DMRT1: variants seen among roughly 807,000 people sequenced by gnomAD.
The protein encoded by DMRT1 is doublesex- and mab-3-related transcription factor 1.
Under a neutral mutation model 32.3 loss-of-function variants are expected in DMRT1, and 7 were observed. The observed-to-expected ratio is 0.22, with a 90% CI of 0.12 to 0.41. DMRT1 has a LOEUF of 0.41. DMRT1 is among the 10% of genes least tolerant of loss of function. The pLI is 1.00. For synonymous variants in DMRT1, 278 were observed against 206.1 expected (o/e 1.35, Z -2.99); for missense variants, 625 against 500.5 (o/e 1.25, Z -2.37).
At position 841,734 on chromosome 9, in the gene DMRT1, C is replaced by A; in HGVS notation, c.-105C>A. 1 of 1,545,814 alleles carries A rather than the reference C, an allele frequency of 6.5e-7. No homozygotes were observed. The highest frequency in any genetic ancestry group is 8.7e-7 in the Non-Finnish European group (1 of 1,146,578). On this transcript the variant is annotated 5_prime_UTR_variant, in exon 1 of 5. It adds an upstream start codon to the 5' untranslated region. Transcript: ENST00000382276. ...CCTCCGGCTGCAGCGCACACGTCTC[C>A]TGCGCCTCCTCCTCCGGAGCGTCGC...
At chr9:934,213 T>C (rs773462352) in intron 4 of DMRT1, among the ~76,000 whole-genome samples, 2 of 152,212 alleles carry the variant, frequency 1.3e-5, no homozygotes, top group African/African-American at 2.4e-5. Flanking sequence ...CCTTATCAGA[T>C]AGAAGATGTG....
In DMRT1 at chr9:968,457, G is replaced by T. The variant is rs1175797046; in HGVS notation, c.*318G>T. 7.1e-6 allele frequency: 2 copies of T among 282,044 alleles called. No individual in the cohort carries two copies. The highest frequency in any genetic ancestry group is 1.4e-5 in the Non-Finnish European group (2 of 146,968). The allele number at this position is 282,044 out of a possible 1,614,324, so 17.5% of individuals were successfully genotyped here. On this transcript the variant is annotated 3_prime_UTR_variant, in exon 5 of 5. Transcript: ENST00000382276. ...TGAAGCCATTTGTGTGCCTCTAAAT[G>T]AGTCATCTAATTAGATGTTACTTTT... is the stretch of plus-strand genomic sequence containing the variant.
chr9:965,104 G>GTC lies in DMRT1; in HGVS notation c.968-2881_968-2880insTC, dbSNP rs1453210254. Among the ~76,000 whole-genome samples, 2 of 152,156 alleles carry GTC rather than the reference G, an allele frequency of 1.3e-5. No homozygotes were observed. Among genetic ancestry groups the GTC allele is most frequent in the Non-Finnish European group, 2.9e-5 (2 of 68,038 alleles). On this transcript the variant is annotated intron_variant, in intron 4 of 4. Transcript: ENST00000382276. This position sits in a 1 kb window ranked among gnomAD's most constrained non-coding sequence, Gnocchi z 4.5. Reference sequence around the variant, plus strand: ...AAGGAAGCTGCATTAAAATGGAAAAGGTACCTCTGAGGGACGATCTTTAAG... The same window carrying GTC: ...AAGGAAGCTGCATTAAAATGGAAAAGTCGTACCTCTGAGGGACGATCTTTAAG...
intron 4 of DMRT1, among the ~76,000 whole-genome samples, chr9:963,410 G>C (rs1377009755): frequency 1.0e-5 from 1 of 100,382 alleles, no homozygotes; most frequent in Non-Finnish European, 2.2e-5. Flanking sequence ...TTGTTTCAAC[G>C]ATCATTACTT....
At chr9:943,287 T>C (rs1819136463) in intron 4 of DMRT1, among the ~76,000 whole-genome samples, 1 of 152,216 alleles carries the variant, frequency 6.6e-6, no homozygotes, top group Non-Finnish European at 1.5e-5. Context: ...TATCTCTCAA[T>C]GAGGTGTTGA....
At chr9:884,801 C>G (rs1816862665) in intron 2 of DMRT1, among the ~76,000 whole-genome samples, 2 of 152,080 alleles carry the variant, frequency 1.3e-5, no homozygotes, top group African/African-American at 2.4e-5. Flanking sequence ...GAAACCCCGT[C>G]TCTACTAAAA....
In DMRT1 at chr9:902,325, A is replaced by C. The variant is rs184765666; in HGVS notation, c.822+8130A>C. 9.2e-3 allele frequency among the ~76,000 whole-genome samples: 1,379 copies of C among 149,330 alleles called. 30 individuals are homozygous for C. The highest frequency in any genetic ancestry group is 0.032 in the African/African-American group (1,290 of 40,814). Reference sequence around the variant, plus strand: ...CCGTTGTCTCTCGCCTCCTTCCTACACCCCCTCCTCCTCCACCTTTCTTTT... The same window carrying C: ...CCGTTGTCTCTCGCCTCCTTCCTACCCCCCCTCCTCCTCCACCTTTCTTTT... On this transcript the variant is annotated intron_variant, in intron 3 of 4. Coordinates refer to ENST00000382276, the MANE Select transcript of DMRT1 (RefSeq NM_021951.3).
intron 2 of DMRT1, among the ~76,000 whole-genome samples, chr9:874,359 G>A (rs1156855128): frequency 6.6e-6 from 1 of 152,088 alleles, no homozygotes; most frequent in African/African-American, 2.4e-5. Flanking sequence ...GATATAGATT[G>A]GGTCCCTTTT....
intron 3 of DMRT1, among the ~76,000 whole-genome samples, chr9:909,644 G>C (rs1201319549): frequency 6.6e-6 from 1 of 152,122 alleles, no homozygotes; most frequent in East Asian, 1.9e-4. Context: ...GAAAACCAAA[G>C]GTTTACCCCA....
intron 2 of DMRT1, among the ~76,000 whole-genome samples, chr9:884,901 T>A (rs1816866991): frequency 6.6e-6 from 1 of 151,976 alleles, no homozygotes; most frequent in South Asian, 2.1e-4. Context: ...ACCCAAGAAG[T>A]GGAGGTTGCA....
At chr9:871,359 G>A (rs539886781) in intron 2 of DMRT1, among the ~76,000 whole-genome samples, 17 of 148,250 alleles carry the variant, frequency 1.1e-4, no homozygotes, top group Non-Finnish European at 2.2e-4. Context: ...TTGAGACTGA[G>A]TCTTGCCCTG....
intron 4 of DMRT1, among the ~76,000 whole-genome samples, chr9:953,275 T>C (rs896531007): frequency 2.6e-5 from 4 of 151,946 alleles, no homozygotes; most frequent in African/African-American, 7.3e-5. Flanking sequence ...TCCTTTATTA[T>C]GGAGAAAAAA....
At chr9:885,435 C>T (rs1218988355) in intron 2 of DMRT1, among the ~76,000 whole-genome samples, 7 of 152,126 alleles carry the variant, frequency 4.6e-5, no homozygotes, top group Non-Finnish European at 1.0e-4. Flanking sequence ...AGATGGTTTT[C>T]CCCTGGAGTC....
rs972891941 is a variant in DMRT1, at chr9:850,681, C to A, written c.538+3538C>A. ...GTTGTTCCTACTTGTGTCTAATTAG[C>A]TTTTTTCATTTACTACAGCTGAGAA... On this transcript the variant is annotated intron_variant, in intron 2 of 4. Transcript: ENST00000382276. Among the ~76,000 whole-genome samples, 3 of 152,072 alleles carry A rather than the reference C, an allele frequency of 2.0e-5. No individual in the cohort carries two copies. In the East Asian group the frequency reaches 5.8e-4, roughly 29 times the overall value.
At chr9:851,505 T>A (rs554949876) in intron 2 of DMRT1, among the ~76,000 whole-genome samples, 1 of 152,198 alleles carries the variant, frequency 6.6e-6, no homozygotes, top group Non-Finnish European at 1.5e-5. Context: ...CCCAAAGTGC[T>A]GGGATTACAG....
rs1819971772 is a variant in DMRT1 at position 967,642 on chromosome 9, A to G, written c.968-343A>G. Among the ~76,000 whole-genome samples the G allele has an allele frequency of 3.3e-5, 5 of 152,302 alleles. No homozygotes were observed. The South Asian group carries it at 1.0e-3, about 32-fold the overall frequency. ...ATCACTTGACAAGTTTCATCAGCATACTTTGCATAAAGGGGAGGAGTCCGG... is the reference window on the plus strand; with the variant it reads ...ATCACTTGACAAGTTTCATCAGCATGCTTTGCATAAAGGGGAGGAGTCCGG... On this transcript the variant is annotated intron_variant, in intron 4 of 4. Transcript: ENST00000382276.
chr9:841,745 C>T lies in DMRT1; in HGVS notation c.-94C>T, dbSNP rs921472409. The T allele has an allele frequency of 5.8e-6, 9 of 1,547,620 alleles. No individual in the cohort carries two copies. Among genetic ancestry groups the T allele is most frequent in the Middle Eastern group, 4.5e-4 (2 of 4,446 alleles). ...AGCGCACACGTCTCCTGCGCCTCCT[C>T]CTCCGGAGCGTCGCTGTCCGTCGGG... On this transcript the variant is annotated 5_prime_UTR_variant, in exon 1 of 5. Coordinates refer to ENST00000382276, the MANE Select transcript of DMRT1 (RefSeq NM_021951.3).
At position 916,822 on chromosome 9, in the gene DMRT1, C is replaced by T. The variant is rs778405951; in HGVS notation, c.882C>T (p.Tyr294=). 3.1e-6 allele frequency: 5 copies of T among 1,614,214 alleles called. No individual in the cohort carries two copies. In the South Asian group the frequency reaches 4.4e-5, roughly 14 times the overall value. ...CCCAGTACAGGATGCATTCTTACTA[C>T]CCGCCTCCCTCTTACCTGGGCCAGA... ...MSSQYRMHSY[Y]PPPSYLGQSV... Residue 294 remains tyrosine (Y), a synonymous_variant, in exon 4 of 5, where the codon TAC becomes TAT. Transcript: ENST00000382276.
rs561672417 is a variant in DMRT1, at chr9:943,715, G to T, written c.968-24270G>T. On this transcript the variant is annotated intron_variant, in intron 4 of 4. Transcript: ENST00000382276. ...GTCAGGGAGGAGTGTTGGAAATAAC[G>T]TGTTAAAGATCCGCCAGCAGATTAC... is the stretch of plus-strand genomic sequence containing the variant. 5.9e-5 allele frequency among the ~76,000 whole-genome samples: 9 copies of T among 152,240 alleles called. No homozygotes were observed. In the South Asian group the frequency reaches 1.9e-3, roughly 32 times the overall value.
Sources: gnomAD v4.1 joint callset for allele counts (sites outside exome capture counted in the v4.1 genomes callset) on GRCh38, gnomAD v4.1.1 for gene constraint, Gnocchi (gnomAD v3.1) non-coding constraint, MANE v1.5 for transcripts, NCBI Gene and HGNC (gene_info 2026-07-23, HGNC 2026-07-21) for gene names.